HSPG2: variants seen among roughly 807,000 people sequenced by gnomAD.
The protein encoded by HSPG2 is heparan sulfate proteoglycan 2.
A neutral mutation model predicts 526.6 loss-of-function variants in HSPG2; 278 were observed. The ratio of observed to expected loss-of-function variants is 0.53; its 90% CI spans 0.48 to 0.58. The LOEUF (loss-of-function observed/expected upper bound fraction) is 0.58, where lower values mean the gene tolerates loss of function less well. Ranked by LOEUF, HSPG2 falls within the 20% of genes least tolerant of loss-of-function variation. The pLI, the probability that HSPG2 is intolerant of heterozygous loss-of-function variation, is 0.00. For synonymous variants in HSPG2, 2,465 were observed against 2,555.4 expected (o/e 0.96, Z 1.07); for missense variants, 5,354 against 6,099.5 (o/e 0.88, Z 4.07).
chr1:21,891,655 C>T (rs1346221888), intron 3 of HSPG2, among the ~76,000 whole-genome samples: 4 of 152,232 alleles, frequency 2.6e-5, no homozygotes, highest in East Asian at 3.9e-4. Flanking sequence ...CTGTCACCCA[C>T]GCTGGAGTGC....
intron 49 of HSPG2, 127 bp downstream of exon 49, chr1:21,854,484 G>T: frequency 6.9e-7 from 1 of 1,453,440 alleles, no homozygotes; most frequent in Non-Finnish European, 9.3e-7. Flanking sequence ...GGAGGGAGAT[G>T]AGGCCTGGCT....
intron 1 of HSPG2, among the ~76,000 whole-genome samples, chr1:21,902,295 CA>C (rs1413872576): frequency 6.6e-6 from 1 of 152,210 alleles, no homozygotes; most frequent in East Asian, 1.9e-4. Flanking sequence ...GCTTCTCACA[CA>C]GGGGCCCCCA....
At chr1:21,852,367 C>T (rs1638969492) in intron 52 of HSPG2, 134 bp from the exon 53 acceptor site, 1 of 1,133,512 alleles carries the variant, frequency 8.8e-7, no homozygotes, top group Admixed American at 2.0e-5. Flanking sequence ...GGGGCCTGGA[C>T]TTGATGCCCT....
chr1:21,851,992 C>A (rs918467434), intron 53 of HSPG2, 66 bp from the exon 54 acceptor site: 139 of 1,609,384 alleles, frequency 8.6e-5, no homozygotes, highest in Middle Eastern at 8.0e-4. Context: ...CCACCGCTGT[C>A]CCCCCGATCT....
chr1:21,841,086 C>A lies in HSPG2; in HGVS notation c.9513+15G>T. ...GGACTGGGCCTCAGACCCAGAGAGGCAGCCCCGGCTTCACCTGCAGCACCG... is the reference window on the plus strand; with the variant it reads ...GGACTGGGCCTCAGACCCAGAGAGGAAGCCCCGGCTTCACCTGCAGCACCG... On this transcript the variant is annotated intron_variant, in intron 71 of 96. Transcript: ENST00000374695. 1 of 1,582,870 alleles carries A rather than the reference C, an allele frequency of 6.3e-7. No individual in the cohort carries two copies. Among genetic ancestry groups the A allele is most frequent in the Non-Finnish European group, 8.6e-7 (1 of 1,165,578 alleles).
chr1:21,849,054 G>T, intron 57 of HSPG2, 23 bp from the exon 58 acceptor site: 1 of 1,612,378 alleles, frequency 6.2e-7, no homozygotes. Context: ...GGAGGGAGGA[G>T]GCAGGCTCAG....
chr1:21,873,554 G>T (rs1640816959), intron 29 of HSPG2, 130 bp from the exon 30 acceptor site: 2 of 960,820 alleles, frequency 2.1e-6, no homozygotes, highest in Non-Finnish European at 3.3e-6. Flanking sequence ...ACTCGCCCAT[G>T]TTACGGGGAA....
intron 14 of HSPG2, among the ~76,000 whole-genome samples, 184 bp from the exon 15 acceptor site, chr1:21,881,019 G>A (rs1322366672): frequency 6.6e-6 from 1 of 152,208 alleles, no homozygotes; most frequent in Non-Finnish European, 1.5e-5. Flanking sequence ...ACTCTAGGGT[G>A]TTTGGTCCAT....
In HSPG2 at chr1:21,830,016, C is replaced by T. The variant is rs755517557; in HGVS notation, c.11747G>A (p.Arg3916His). ...RGYTCRCHLG[R>H]SGLRCEEGVT... ...ACCTTCCTCACACCGCAACCCCGAG[C>T]GGCCCAGGTGGCAGCGGCAGGTGTA... Residue 3916 changes from arginine to histidine, a missense_variant, in exon 86 of 97, where the codon CGC becomes CAC. Arg to His is a conservative substitution (Grantham distance 29). Coordinates refer to ENST00000374695, the MANE Select transcript of HSPG2 (RefSeq NM_005529.7). The T allele has an allele frequency of 2.4e-5, 38 of 1,610,194 alleles. No homozygotes were observed. In the African/African-American group the frequency reaches 2.5e-4, roughly 11 times the overall value.
At chr1:21,888,096 C>T in intron 6 of HSPG2, 30 bp from the exon 7 acceptor site, 1 of 1,613,046 alleles carries the variant, frequency 6.2e-7, no homozygotes, top group Non-Finnish European at 8.5e-7. Context: ...AGACTGGAGT[C>T]AGAGGCGGCA....
In HSPG2 at chr1:21,887,463, G is replaced by A. The variant is rs554413823; in HGVS notation, c.915C>T (p.Asp305=). The A allele has an allele frequency of 1.4e-5, 23 of 1,614,036 alleles. No homozygotes were observed. Among genetic ancestry groups the A allele is most frequent in the African/African-American group, 4.0e-5 (3 of 75,040 alleles). The change falls in exon 8 of 97, where the codon GAC becomes GAT. Residue 305 remains aspartate (D), a synonymous_variant. Transcript: ENST00000374695. The surrounding 1 kb of genome is among the most constrained non-coding windows in gnomAD (Gnocchi z 5.0). ...TGCCGTCCTCGCAGTCCTCCTGTCCGTCGCAGAGGTAGTCTCTGGGGATGC... is the reference window on the plus strand; with the variant it reads ...TGCCGTCCTCGCAGTCCTCCTGTCCATCGCAGAGGTAGTCTCTGGGGATGC... ...GHCIPRDYLC[D]GQEDCEDGSD...
chr1:21,832,346 A>T, intron 81 of HSPG2, 149 bp downstream of exon 81: 1 of 674,006 alleles, frequency 1.5e-6, no homozygotes, highest in Non-Finnish European at 2.7e-6. Context: ...TACTATTCCT[A>T]CTCTAGCAGA....
chr1:21,876,557 C>T lies in HSPG2; in HGVS notation c.2781G>A (p.Met927Ile). ...NPDGCLKCFC[M>I]GVSRHCTSSS... ...AGCTGGTGCAGTGGCGACTGACACCCATGCAGAAGCACTTGAGGCAGCCAT... is the reference window on the plus strand; with the variant it reads ...AGCTGGTGCAGTGGCGACTGACACCTATGCAGAAGCACTTGAGGCAGCCAT... Residue 927 changes from methionine (M) to isoleucine (I), a missense_variant, in exon 22 of 97, where the codon ATG (methionine) becomes ATA (isoleucine). By Grantham distance (10) the Met-to-Ile change is conservative. Coordinates refer to ENST00000374695, the MANE Select transcript of HSPG2 (RefSeq NM_005529.7). The T allele has an allele frequency of 6.2e-7, 1 of 1,614,216 alleles. No individual in the cohort carries two copies. The highest frequency in any genetic ancestry group is 8.5e-7 in the Non-Finnish European group (1 of 1,180,026).
At chr1:21,855,732 C>T (rs1639289411) in intron 45 of HSPG2, 55 bp downstream of exon 45, 1 of 1,605,164 alleles carries the variant, frequency 6.2e-7, no homozygotes. Context: ...CCTGCCCCTC[C>T]CCTCCCACAC....
chr1:21,833,508 C>A lies in HSPG2; in HGVS notation c.10937G>T (p.Arg3646Leu). 7.4e-6 allele frequency: 12 copies of A among 1,614,096 alleles called. No individual in the cohort carries two copies. Among genetic ancestry groups the A allele is most frequent in the Non-Finnish European group, 9.3e-6 (11 of 1,180,002 alleles). Residue 3646 changes from arginine to leucine, a missense_variant, in exon 79 of 97, where the codon CGC becomes CTC. By Grantham distance (102) the Arg-to-Leu change is moderately radical. Transcript: ENST00000374695. Reference protein sequence around the residue: ...AGTYVCTATNRQGKVKAFAHL... With the variant: ...AGTYVCTATNLQGKVKAFAHL... Reference sequence around the variant, plus strand: ...GGCAAAGGCTTTGACCTTGCCCTGGCGGTTAGTGGCGGTGCAGACGTAGGT... The same window carrying A: ...GGCAAAGGCTTTGACCTTGCCCTGGAGGTTAGTGGCGGTGCAGACGTAGGT...
chr1:21,887,564 G>C lies in HSPG2; in HGVS notation c.814C>G (p.Pro272Ala), dbSNP rs1642003191. Residue 272 changes from proline to alanine, a missense_variant, in exon 8 of 97, where the codon CCT becomes GCT. Coordinates refer to ENST00000374695, the MANE Select transcript of HSPG2 (RefSeq NM_005529.7). The surrounding 1 kb of genome is among the most constrained non-coding windows in gnomAD (Gnocchi z 5.0). ...ACGGAACCGGGAAGCAGGGGCTGAGGAGCGTGGGTGACTGGTGGCTGTCGC... is the reference window on the plus strand; with the variant it reads ...ACGGAACCGGGAAGCAGGGGCTGAGCAGCGTGGGTGACTGGTGGCTGTCGC... ...IMRQPPVTHA[P>A]QPLLPGSVRP... is the part of the protein sequence containing the mutation. 6.2e-7 allele frequency: 1 copy of C among 1,614,012 alleles called. No individual in the cohort carries two copies. Among genetic ancestry groups the C allele is most frequent in the African/African-American group, 1.3e-5 (1 of 74,938 alleles).
At chr1:21,831,921 G>A (rs2098006086) in intron 81 of HSPG2, 125 bp from the exon 82 acceptor site, 2 of 1,052,666 alleles carry the variant, frequency 1.9e-6, no homozygotes, top group African/African-American at 1.6e-5. Context: ...TCCCAGCCCT[G>A]GGGCTGTTCC....
At chr1:21,851,173 A>G (rs1157555035) in intron 55 of HSPG2, 1 of 290,732 alleles carries the variant, frequency 3.4e-6, no homozygotes, top group African/African-American at 2.2e-5. Context: ...GGGTTTCACC[A>G]TACTGGCCAG....
In HSPG2 at chr1:21,865,623, G is replaced by C. The variant is rs573577644; in HGVS notation, c.4314+94C>G. 17 of 1,118,300 alleles carry C rather than the reference G, an allele frequency of 1.5e-5. No homozygotes were observed. The highest frequency in any genetic ancestry group is 2.5e-4 in the Middle Eastern group (1 of 4,030). The allele number at this position is 1,118,300 out of a possible 1,614,324, so 69.3% of individuals were successfully genotyped here. A position where few individuals can be genotyped will look rare whatever the true frequency, so the allele number is the denominator to read the frequency against. On this transcript the variant is annotated intron_variant, in intron 34 of 96. Transcript: ENST00000374695. The surrounding 1 kb of genome is among the most constrained non-coding windows in gnomAD (Gnocchi z 5.4). ...CCCCCAGCCTGTGCCAGAAAACTGA[G>C]TGCTGGATGGAAAGGACAAAGGACA...
Sources: allele counts gnomAD v4.1 joint callset (sites outside exome capture counted in the v4.1 genomes callset), GRCh38; gene constraint gnomAD v4.1.1; non-coding constraint Gnocchi (gnomAD v3.1); transcripts MANE v1.5; gene names NCBI Gene and HGNC (gene_info 2026-07-23, HGNC 2026-07-21).